The following ST6GAL2 variants were observed in gnomAD, a reference collection of about 807,000 sequenced individuals.
ST6GAL2 encodes the protein ST6 beta-galactoside alpha-2,6-sialyltransferase 2.
Under a neutral mutation model 37.5 loss-of-function variants are expected in ST6GAL2, and 24 were observed. The observed-to-expected ratio is 0.64, with a 90% CI of 0.46 to 0.90. The LOEUF (loss-of-function observed/expected upper bound fraction) is 0.90. Ranked by LOEUF, ST6GAL2 falls within the 40% of genes least tolerant of loss-of-function variation. ST6GAL2 has a pLI of 0.00. For missense variants in ST6GAL2, 715 were observed against 712.7 expected (o/e 1.00, Z -0.04); for synonymous variants, 306 against 295.1 (o/e 1.04, Z -0.38).
intron 1 of ST6GAL2, among the ~76,000 whole-genome samples, chr2:106,852,583 T>C (rs1344356610): frequency 1.3e-5 from 2 of 152,174 alleles, no homozygotes; most frequent in Admixed American, 1.3e-4. Flanking sequence ...TCCCAGTAAA[T>C]ACTCCTGCAA....
Position 106,843,792 on chromosome 2 carries a change from C to T in ST6GAL2, c.186G>A (p.Met62Ile). The change falls in exon 2 of 6, where the codon ATG becomes ATA. Residue 62 changes from methionine to isoleucine, a missense_variant. By Grantham distance (10) the Met-to-Ile change is conservative (BLOSUM62 1). Transcript: ENST00000409382. ...GCGGGGAGGGCTCATGTGCGGCGCCCATGATGGCCCGCTGCTTCCCCTGCA... is the reference window on the plus strand; with the variant it reads ...GCGGGGAGGGCTCATGTGCGGCGCCTATGATGGCCCGCTGCTTCCCCTGCA... Reference protein sequence around the residue: ...LPVQGKQRAIMGAAHEPSPPG... With the variant: ...LPVQGKQRAIIGAAHEPSPPG... 2 of 1,610,844 alleles carry T rather than the reference C, an allele frequency of 1.2e-6. No homozygotes were observed. Among genetic ancestry groups the T allele is most frequent in the Non-Finnish European group, 1.7e-6 (2 of 1,178,450 alleles).
intron 1 of ST6GAL2, among the ~76,000 whole-genome samples, chr2:106,857,449 C>G (rs1677621380): frequency 1.3e-5 from 2 of 151,938 alleles, no homozygotes; most frequent in Non-Finnish European, 2.9e-5. Flanking sequence ...CCAAAAAATA[C>G]AAAAATTAGC....
intron 5 of ST6GAL2, among the ~76,000 whole-genome samples, chr2:106,809,875 G>A (rs1573200018): frequency 6.6e-6 from 1 of 152,150 alleles, no homozygotes. Flanking sequence ...TTTTCTACAC[G>A]AATCTAGTTG....
At chr2:106,831,546 A>G (rs1676425226) in intron 4 of ST6GAL2, among the ~76,000 whole-genome samples, 1 of 152,238 alleles carries the variant, frequency 6.6e-6, no homozygotes. Context: ...TGAGAATCAA[A>G]GAGCCCTCTC....
intron 1 of ST6GAL2, among the ~76,000 whole-genome samples, chr2:106,885,329 G>A (rs1678934235): frequency 6.6e-6 from 1 of 152,054 alleles, no homozygotes; most frequent in African/African-American, 2.4e-5. Flanking sequence ...ATCCAGCCAA[G>A]CATTACTTTC....
intron 1 of ST6GAL2, among the ~76,000 whole-genome samples, chr2:106,850,427 A>G (rs1176195730): frequency 6.6e-6 from 1 of 152,138 alleles, no homozygotes; most frequent in Admixed American, 6.5e-5. Context: ...AGTGGCTCCT[A>G]ATGCACAAGA....
rs375444426 is a variant in ST6GAL2 at position 106,813,171 on chromosome 2, C to A, written c.1319-6222G>T. The A allele has an allele frequency of 2.6e-4, 341 of 1,313,326 alleles. 8 individuals are homozygous for A. The South Asian group carries it at 6.8e-3, about 26-fold the overall frequency. 81.4% of individuals were successfully genotyped at this position (1,313,326 alleles called of 1,614,324 possible). Reference sequence around the variant, plus strand: ...TCTGTCGTCCAGGCTGGAGTGCAGTCGCGTGATCTCGGCTCACTGCAAGCT... The same window carrying A: ...TCTGTCGTCCAGGCTGGAGTGCAGTAGCGTGATCTCGGCTCACTGCAAGCT... On this transcript the variant is annotated intron_variant, in intron 5 of 5. Coordinates refer to ENST00000409382, the MANE Select transcript of ST6GAL2 (RefSeq NM_001142351.2).
intron 5 of ST6GAL2, among the ~76,000 whole-genome samples, chr2:106,817,072 T>C (rs1354159841): frequency 6.6e-6 from 1 of 152,152 alleles, no homozygotes; most frequent in Non-Finnish European, 1.5e-5. Context: ...ACAACCTGAG[T>C]TCTGGCAAGC....
chr2:106,818,902 A>C (rs1675900991), intron 5 of ST6GAL2, among the ~76,000 whole-genome samples: 1 of 152,194 alleles, frequency 6.6e-6, no homozygotes, highest in Non-Finnish European at 1.5e-5. Context: ...GAAATAATCA[A>C]ATACAATCAG....
At chr2:106,874,325 A>G (rs1281134659) in intron 1 of ST6GAL2, among the ~76,000 whole-genome samples, 1 of 152,140 alleles carries the variant, frequency 6.6e-6, no homozygotes, top group Non-Finnish European at 1.5e-5. Flanking sequence ...GGCGGGCAGA[A>G]GGAGAGGGAA....
chr2:106,886,570 G>C (rs1051625242), upstream of ST6GAL2: 2 of 151,780 alleles, frequency 1.3e-5, no homozygotes, highest in East Asian at 2.0e-4. Context: ...GCGCGGCGGC[G>C]GCTCCCGCGG....
chr2:106,828,948 G>C, intron 5 of ST6GAL2, among the ~76,000 whole-genome samples: 1 of 152,168 alleles, frequency 6.6e-6, no homozygotes, highest in East Asian at 1.9e-4. Flanking sequence ...TGTAGGCCCA[G>C]TGTGATGCTC....
chr2:106,843,802 C>T lies in ST6GAL2; in HGVS notation c.176G>A (p.Arg59Gln), dbSNP rs761558561. The change falls in exon 2 of 6, where the codon CGG (arginine) becomes CAG (glutamine). Residue 59 changes from arginine (R) to glutamine (Q), a missense_variant. By Grantham distance (43) the Arg-to-Gln change is conservative. This residue lies in a region of ST6GAL2 where 512 missense variants were observed against 488.8 expected (regional missense o/e 1.05). Coordinates refer to ENST00000409382, the MANE Select transcript of ST6GAL2 (RefSeq NM_001142351.2). ...CTCATGTGCGGCGCCCATGATGGCC[C>T]GCTGCTTCCCCTGCACCGGCAGGAG... ...RRLLPVQGKQ[R>Q]AIMGAAHEPS... 4.3e-6 allele frequency: 7 copies of T among 1,611,048 alleles called. No individual in the cohort carries two copies. Among genetic ancestry groups the T allele is most frequent in the East Asian group, 2.2e-5 (1 of 44,786 alleles).
intron 1 of ST6GAL2, among the ~76,000 whole-genome samples, chr2:106,845,765 C>G (rs1219858097): frequency 1.3e-5 from 2 of 152,148 alleles, no homozygotes; most frequent in African/African-American, 4.8e-5. Context: ...ACCCTCCACC[C>G]AGAGAGAGGC....
intron 1 of ST6GAL2, among the ~76,000 whole-genome samples, chr2:106,844,335 C>T (rs956415256): frequency 2.0e-5 from 3 of 151,934 alleles, no homozygotes; most frequent in African/African-American, 4.8e-5. Flanking sequence ...CTCAGGGACA[C>T]GTCTGCCTTC....
intron 1 of ST6GAL2, among the ~76,000 whole-genome samples, chr2:106,857,647 C>T (rs937010053): frequency 4.6e-5 from 7 of 152,254 alleles, no homozygotes; most frequent in African/African-American, 1.7e-4. Context: ...CACACATATA[C>T]ACACATGTTC....
intron 2 of ST6GAL2, among the ~76,000 whole-genome samples, chr2:106,841,630 A>G (rs1234646500): frequency 1.3e-5 from 2 of 152,168 alleles, no homozygotes; most frequent in Non-Finnish European, 2.9e-5. Flanking sequence ...GAAACTGCTG[A>G]GGGAGAGCCC....
At chr2:106,807,069 T>G in intron 5 of ST6GAL2, 120 bp from the exon 6 acceptor site, 2 of 811,888 alleles carry the variant, frequency 2.5e-6, no homozygotes, top group Non-Finnish European at 3.8e-6. Flanking sequence ...TACTTTTTTG[T>G]TGTTGTTGCA....
At chr2:106,823,442 A>AAC (rs60795605) in intron 5 of ST6GAL2, among the ~76,000 whole-genome samples, 4,483 of 101,230 alleles carry the variant, frequency 0.044, 138 homozygotes, top group Admixed American at 0.098. Context: ...CCCAGCAGAA[A>AAC]ACACACACAC....
Sources: allele counts gnomAD v4.1 joint callset (sites outside exome capture counted in the v4.1 genomes callset), GRCh38; gene constraint gnomAD v4.1.1; regional missense constraint gnomAD v4.1.1; transcripts MANE v1.5; gene names NCBI Gene and HGNC (gene_info 2026-07-23, HGNC 2026-07-21).